The following PDE1C variants were observed in gnomAD, a reference collection of about 807,000 sequenced individuals.
The protein encoded by PDE1C is phosphodiesterase 1C.
Under a neutral mutation model 93.1 loss-of-function variants are expected in PDE1C, and 62 were observed. That is an observed-to-expected ratio of 0.67 (90% CI 0.54 to 0.82). The LOEUF (loss-of-function observed/expected upper bound fraction) is 0.82, where lower values mean the gene tolerates loss of function less well. Among genes scored for constraint, PDE1C ranks in the 40% least tolerant of loss-of-function variants. The pLI is 0.00. For synonymous variants in PDE1C, 325 were observed against 310.1 expected (o/e 1.05, Z -0.50); for missense variants, 742 against 884.6 (o/e 0.84, Z 2.04).
At position 31,828,342 on chromosome 7, in the gene PDE1C, A is replaced by G. The variant is rs760973045; in HGVS notation, c.1235T>C (p.Phe412Ser). Residue 412 changes from phenylalanine to serine, a missense_variant, in exon 12 of 18, where the codon TTT becomes TCT. By Grantham distance (155) the Phe-to-Ser change is radical. Transcript: ENST00000396191. ...GDREAELGLP[F>S]SPLCDRKSTM... Reference sequence around the variant, plus strand: ...GGACTTTCGGTCACACAGAGGAGAAAAAGGCAGCCCCAGCTCTGCTTCTCT... The same window carrying G: ...GGACTTTCGGTCACACAGAGGAGAAGAAGGCAGCCCCAGCTCTGCTTCTCT... 6.2e-7 allele frequency: 1 copy of G among 1,612,712 alleles called. No individual in the cohort carries two copies. Among genetic ancestry groups the G allele is most frequent in the East Asian group, 2.2e-5 (1 of 44,816 alleles).
At chr7:31,817,135 G>T (rs148118884) in intron 14 of PDE1C, among the ~76,000 whole-genome samples, 112 of 152,238 alleles carry the variant, frequency 7.4e-4, no homozygotes, top group Admixed American at 2.4e-3. Flanking sequence ...GCGCTTTGCA[G>T]AAAACCAAGC....
chr7:31,929,668 C>G, intron 2 of PDE1C, among the ~76,000 whole-genome samples: 1 of 152,164 alleles, frequency 6.6e-6, no homozygotes, highest in Non-Finnish European at 1.5e-5. Flanking sequence ...ATGGAACAAA[C>G]CTGCTCCTGA....
At chr7:32,139,300 C>CTTTTTTTTTTTTTTTTTTTTTTTTTT (rs34277412) in intron 3 of PDE1C, among the ~76,000 whole-genome samples, 1 of 82,922 alleles carries the variant, frequency 1.2e-5, no homozygotes, top group African/African-American at 4.8e-5. Context: ...CAAAATCAAC[C>CTTTTTTTTTTTTTTTTTTTTTTTTTT]TTTTTTTTTT....
At chr7:31,622,276 C>G in the PDE1C span, among the ~76,000 whole-genome samples, 1 of 122,310 alleles carries the variant, frequency 8.2e-6, no homozygotes, top group Non-Finnish European at 1.7e-5. Context: ...CTACAGAACT[C>G]TCCACCCCAA....
the PDE1C span, among the ~76,000 whole-genome samples, chr7:31,720,739 C>T: frequency 6.6e-6 from 1 of 152,212 alleles, no homozygotes; most frequent in East Asian, 1.9e-4. Context: ...TTTGCTCTAA[C>T]GACCCAAAAC....
chr7:31,898,023 TGTGTGTGTGTG>T (rs1799525170), intron 2 of PDE1C, among the ~76,000 whole-genome samples: 2 of 26,816 alleles, frequency 7.5e-5, no homozygotes, highest in Non-Finnish European at 2.3e-4. Context: ...GGTTTCTTTG[TGTGTGTGTGTG>T]TGTGTGTGTG....
intron 2 of PDE1C, among the ~76,000 whole-genome samples, chr7:31,967,394 C>T (rs2129043483): frequency 6.6e-6 from 1 of 152,250 alleles, no homozygotes; most frequent in East Asian, 1.9e-4. Context: ...CATACACTCT[C>T]CCAAGACTAA....
intron 16 of PDE1C, chr7:31,787,639 ATTC>A (rs1327715460): frequency 3.3e-5 from 5 of 152,190 alleles, no homozygotes; most frequent in Admixed American, 1.3e-4. Flanking sequence ...ATGCTAGTTA[ATTC>A]TTAATTCAGG....
the PDE1C span, among the ~76,000 whole-genome samples, chr7:31,701,077 A>C: frequency 6.6e-6 from 1 of 152,292 alleles, no homozygotes; most frequent in East Asian, 1.9e-4. Flanking sequence ...TTGTTACTTA[A>C]GAAATACATG....
chr7:31,802,641 C>T (rs547710696), intron 16 of PDE1C, among the ~76,000 whole-genome samples: 24 of 151,698 alleles, frequency 1.6e-4, no homozygotes, highest in African/African-American at 5.5e-4. Context: ...CTGATGAAAA[C>T]ATCTTAATCA....
intron 3 of PDE1C, among the ~76,000 whole-genome samples, chr7:32,134,578 A>G (rs1483980756): frequency 6.6e-6 from 1 of 152,216 alleles, no homozygotes. Flanking sequence ...TTATGCAGCC[A>G]TAAAAAAGAA....
intron 9 of PDE1C, among the ~76,000 whole-genome samples, chr7:31,844,498 A>G (rs1486980077): frequency 1.3e-5 from 2 of 151,728 alleles, no homozygotes; most frequent in African/African-American, 4.8e-5. Flanking sequence ...TCTGGCCTCT[A>G]TAGTTTCTGA....
intron 3 of PDE1C, among the ~76,000 whole-genome samples, chr7:32,096,860 TAGAC>T (rs879543642): frequency 0.05 from 7,510 of 150,378 alleles, 208 homozygotes; most frequent in Middle Eastern, 0.068. Flanking sequence ...GATAGATAGA[TAGAC>T]AGACAGATCA....
intron 2 of PDE1C, among the ~76,000 whole-genome samples, chr7:32,042,409 G>A (rs963464634): frequency 1.3e-5 from 2 of 152,266 alleles, no homozygotes; most frequent in South Asian, 2.1e-4. Flanking sequence ...ACCCTGGCCC[G>A]ACCATTTGTC....
At chr7:31,703,331 G>C in the PDE1C span, among the ~76,000 whole-genome samples, 1 of 152,290 alleles carries the variant, frequency 6.6e-6, no homozygotes, top group East Asian at 1.9e-4. Flanking sequence ...GTTGAGCTCT[G>C]TTTACCTGGC....
At chr7:32,004,568 A>T (rs1236547841) in intron 2 of PDE1C, among the ~76,000 whole-genome samples, 1 of 152,142 alleles carries the variant, frequency 6.6e-6, no homozygotes, top group Non-Finnish European at 1.5e-5. Flanking sequence ...CTGGATTTGA[A>T]CCTGGGGTCT....
intron 2 of PDE1C, among the ~76,000 whole-genome samples, chr7:31,909,926 G>T (rs1801026267): frequency 6.6e-6 from 1 of 152,116 alleles, no homozygotes; most frequent in Non-Finnish European, 1.5e-5. Context: ...ATGCAGTGTA[G>T]CATGTTTAAC....
the PDE1C span, among the ~76,000 whole-genome samples, chr7:31,644,479 T>G: frequency 6.6e-6 from 1 of 152,174 alleles, no homozygotes; most frequent in Non-Finnish European, 1.5e-5. Flanking sequence ...TGTGTGGGTG[T>G]GTTACTCTTA....
intron 1 of PDE1C, among the ~76,000 whole-genome samples, chr7:32,422,842 G>A (rs1473817342): frequency 2.0e-5 from 3 of 152,198 alleles, no homozygotes; most frequent in South Asian, 2.1e-4. Context: ...ATTGGCAAGA[G>A]AGTGGTTGCA....
Sources: gnomAD v4.1 joint callset for allele counts (sites outside exome capture counted in the v4.1 genomes callset) on GRCh38, gnomAD v4.1.1 for gene constraint, MANE v1.5 for transcripts, NCBI Gene and HGNC (gene_info 2026-07-23, HGNC 2026-07-21) for gene names.